Variants in PCDH9 observed in about 807,000 individuals in gnomAD.
The protein encoded by PCDH9 is protocadherin 9, also known as protocadherin-9.
A neutral mutation model predicts 70.6 loss-of-function variants in PCDH9; 24 were observed. The observed-to-expected ratio is 0.34, with a 90% CI of 0.25 to 0.48. The LOEUF is 0.48. PCDH9 is among the 20% of genes least tolerant of loss of function. PCDH9 has a pLI of 0.99. For missense variants in PCDH9, 1,281 were observed against 1,503.6 expected, an observed-to-expected ratio of 0.85 and a Z score of 2.45; for synonymous variants, 562 against 558.5, an observed-to-expected ratio of 1.01 and a Z score of -0.09.
At position 66,987,004 on chromosome 13, in the gene PCDH9, A is replaced by G. The variant is rs115421628; in HGVS notation, c.3037-83399T>C. The stretch of plus-strand genomic sequence containing the variant: ...TATCACAGATAGAAAAATTGAGGAA[A>G]TAATTCAAACTAAACTGTTAATTGA... On this transcript the variant is annotated intron_variant, in intron 2 of 4. Coordinates refer to ENST00000377865, the MANE Select transcript of PCDH9 (RefSeq NM_203487.3). Among the ~76,000 whole-genome samples, 185 of 152,128 alleles carry G rather than the reference A, an allele frequency of 1.2e-3. 1 individual carries two copies. Among genetic ancestry groups the G allele is most frequent in the African/African-American group, 4.4e-3 (181 of 41,562 alleles).
chr13:67,149,559 G>C (rs2087607270), intron 2 of PCDH9, among the ~76,000 whole-genome samples: 1 of 151,846 alleles, frequency 6.6e-6, no homozygotes, highest in African/African-American at 2.4e-5. Context: ...CAAAAGAAAG[G>C]AACATTAAAG....
chr13:66,335,401 A>G (rs376752334), intron 4 of PCDH9, among the ~76,000 whole-genome samples: 2 of 152,142 alleles, frequency 1.3e-5, no homozygotes, highest in African/African-American at 2.4e-5. Context: ...GCTTGTTTAG[A>G]TAATAACAGC....
chr13:67,069,624 T>G (rs1392916200), intron 2 of PCDH9, among the ~76,000 whole-genome samples: 1 of 152,198 alleles, frequency 6.6e-6, no homozygotes, highest in Non-Finnish European at 1.5e-5. Context: ...GATCTCACGC[T>G]AGTGCTTTTC....
intron 2 of PCDH9, among the ~76,000 whole-genome samples, chr13:66,905,642 A>C (rs2082347973): frequency 6.6e-6 from 1 of 152,120 alleles, no homozygotes. Context: ...CTTCCTTTTT[A>C]AAATTTAACC....
At chr13:67,125,015 G>A (rs1021436311) in intron 2 of PCDH9, among the ~76,000 whole-genome samples, 1 of 152,124 alleles carries the variant, frequency 6.6e-6, no homozygotes, top group African/African-American at 2.4e-5. Context: ...GGAAGATGTT[G>A]GGCTTGGAGT....
intron 4 of PCDH9, among the ~76,000 whole-genome samples, chr13:66,413,276 G>T (rs1039429839): frequency 3.9e-5 from 6 of 152,036 alleles, no homozygotes; most frequent in African/African-American, 1.5e-4. Context: ...AATTTTAATA[G>T]CTTTATAATT....
chr13:67,022,423 G>C (rs545579269), intron 2 of PCDH9, among the ~76,000 whole-genome samples: 1 of 152,174 alleles, frequency 6.6e-6, no homozygotes, highest in Non-Finnish European at 1.5e-5. Flanking sequence ...ACCCAGCCAG[G>C]TGATGGTCTT....
chr13:66,678,847 A>T (rs966607583), intron 3 of PCDH9, among the ~76,000 whole-genome samples: 2 of 151,898 alleles, frequency 1.3e-5, no homozygotes, highest in East Asian at 3.9e-4. Context: ...GTACACTCTT[A>T]GTACACTTAG....
At chr13:66,967,578 ACC>A (rs1356383844) in intron 2 of PCDH9, among the ~76,000 whole-genome samples, 4 of 152,050 alleles carry the variant, frequency 2.6e-5, no homozygotes, top group African/African-American at 4.8e-5. Flanking sequence ...TAACAAGTTT[ACC>A]CAAATCCATA....
At chr13:66,917,373 C>A (rs762610871) in intron 2 of PCDH9, among the ~76,000 whole-genome samples, 1 of 151,374 alleles carries the variant, frequency 6.6e-6, no homozygotes, top group South Asian at 2.1e-4. Flanking sequence ...CTTTGAGAAG[C>A]CTGAGCCAAA....
chr13:66,858,895 A>G (rs959129530), intron 3 of PCDH9: 1 of 152,210 alleles, frequency 6.6e-6, no homozygotes, highest in Non-Finnish European at 1.5e-5. Context: ...TTAATGCCTC[A>G]TAAAGCCCCT....
chr13:66,547,032 A>G (rs1343298403), intron 4 of PCDH9, among the ~76,000 whole-genome samples: 1 of 152,218 alleles, frequency 6.6e-6, no homozygotes, highest in Non-Finnish European at 1.5e-5. Flanking sequence ...TCACCTAAGG[A>G]CACATTTTTT....
chr13:66,974,428 C>T (rs2083579476), intron 2 of PCDH9, among the ~76,000 whole-genome samples: 1 of 151,908 alleles, frequency 6.6e-6, no homozygotes, highest in Non-Finnish European at 1.5e-5. Flanking sequence ...CAGCTTTCAA[C>T]TATAGTCTTG....
intron 4 of PCDH9, among the ~76,000 whole-genome samples, chr13:66,568,638 A>G (rs2076687274): frequency 6.6e-6 from 1 of 151,634 alleles, no homozygotes; most frequent in African/African-American, 2.4e-5. Context: ...TGCCACTGCA[A>G]TCCAGCCTGA....
At chr13:67,055,844 A>G (rs951508108) in intron 2 of PCDH9, among the ~76,000 whole-genome samples, 1 of 152,060 alleles carries the variant, frequency 6.6e-6, no homozygotes, top group African/African-American at 2.4e-5. Context: ...CTAAATACAA[A>G]CAGTGCAATA....
chr13:66,892,183 G>A lies in PCDH9; in HGVS notation c.3138+11321C>T, dbSNP rs139721864. 5.6e-4 allele frequency among the ~76,000 whole-genome samples: 83 copies of A among 149,410 alleles called. 2 individuals carry two copies. In the East Asian group the frequency reaches 0.014, roughly 26 times the overall value. Reference sequence around the variant, plus strand: ...TGTGTGTATACTCCTCATTGTGTGTGTGTATATATATGTGTTATGTGTGTG... The same window carrying A: ...TGTGTGTATACTCCTCATTGTGTGTATGTATATATATGTGTTATGTGTGTG... On this transcript the variant is annotated intron_variant, in intron 3 of 4. Transcript: ENST00000377865.
rs997963394 is a variant in PCDH9, at chr13:66,842,563, T to A, written c.3138+60941A>T. On this transcript the variant is annotated intron_variant, in intron 3 of 4. Coordinates refer to ENST00000377865, the MANE Select transcript of PCDH9 (RefSeq NM_203487.3). ...AAAATTCTGTGTTATTTTCCTCATA[T>A]TATAGAAATAGGGACATTTCATCTC... is the stretch of plus-strand genomic sequence containing the variant. 3.3e-5 allele frequency among the ~76,000 whole-genome samples: 5 copies of A among 152,312 alleles called. No individual in the cohort carries two copies. In the South Asian group the frequency reaches 8.3e-4, roughly 25 times the overall value.
chr13:66,547,157 T>A (rs1347622304), intron 4 of PCDH9, among the ~76,000 whole-genome samples: 1 of 152,228 alleles, frequency 6.6e-6, no homozygotes, highest in Admixed American at 6.5e-5. Flanking sequence ...TGTAAATTAA[T>A]CACTTCTTAT....
chr13:66,408,508 C>G (rs1957320666), intron 4 of PCDH9, among the ~76,000 whole-genome samples: 1 of 152,100 alleles, frequency 6.6e-6, no homozygotes, highest in Admixed American at 6.5e-5. Context: ...GCTTATATTC[C>G]TTAAAAAATT....
Sources: gnomAD v4.1 joint callset for allele counts (sites outside exome capture counted in the v4.1 genomes callset) on GRCh38, gnomAD v4.1.1 for gene constraint, MANE v1.5 for transcripts, NCBI Gene and HGNC (gene_info 2026-07-23, HGNC 2026-07-21) for gene names.